Variants in PKHD1 observed in about 807,000 individuals in gnomAD.
PKHD1 encodes fibrocystin.
A neutral mutation model predicts 412.0 loss-of-function variants in PKHD1; 291 were observed. That is an observed-to-expected ratio of 0.71 (90% CI 0.64 to 0.78). The LOEUF (loss-of-function observed/expected upper bound fraction) is 0.78. Among genes scored for constraint, PKHD1 ranks in the 30% least tolerant of loss-of-function variants. PKHD1 has a pLI of 0.00. For missense variants in PKHD1, 4,825 were observed against 4,950.7 expected, an observed-to-expected ratio of 0.97 and a Z score of 0.76; for synonymous variants, 1,777 against 1,821.5, an observed-to-expected ratio of 0.98 and a Z score of 0.62.
chr6:51,704,214 C>G (rs773377710), intron 60 of PKHD1, among the ~76,000 whole-genome samples: 1 of 151,920 alleles, frequency 6.6e-6, no homozygotes, highest in Non-Finnish European at 1.5e-5. Context: ...AAGACAAAAC[C>G]AGAATAACAT....
At chr6:51,918,246 C>A (rs963151445) in intron 37 of PKHD1, among the ~76,000 whole-genome samples, 2 of 151,844 alleles carry the variant, frequency 1.3e-5, no homozygotes, top group South Asian at 4.2e-4. Context: ...ATGCGCAGAA[C>A]GTGCAGGTTT....
chr6:51,998,680 GT>G (rs368154818), intron 35 of PKHD1, among the ~76,000 whole-genome samples: 3 of 151,832 alleles, frequency 2.0e-5, no homozygotes, highest in South Asian at 2.1e-4. Flanking sequence ...ATTTTGTTTG[GT>G]TTTTTTCCCT....
chr6:51,632,599 C>G lies in PKHD1; in HGVS notation c.11631G>C (p.Leu3877=), dbSNP rs1253054555. 2.5e-6 allele frequency: 4 copies of G among 1,613,186 alleles called. No individual in the cohort carries two copies. The South Asian group carries it at 4.4e-5, about 18-fold the overall frequency. ...TGCTTCTTTTAAGCCAACAGCACAC[C>G]AGACAGCTCAGAGCCAGCCATGAGG... The part of the protein sequence containing the change: ...SVASWLALSC[L]VCCWLKRSKS... Residue 3877 remains leucine, a synonymous_variant, in exon 65 of 67, where the codon CTG becomes CTC. Transcript: ENST00000371117.
At chr6:51,799,162 C>CAT (rs1795030210) in intron 52 of PKHD1, among the ~76,000 whole-genome samples, 1 of 151,658 alleles carries the variant, frequency 6.6e-6, no homozygotes, top group Non-Finnish European at 1.5e-5. Context: ...ATTAACACCA[C>CAT]ACACACACAC....
intron 58 of PKHD1, 146 bp from the exon 59 acceptor site, chr6:51,747,035 T>C (rs1218958863): frequency 1.7e-6 from 1 of 598,962 alleles, no homozygotes; most frequent in African/African-American, 1.9e-5. Context: ...TTTACATACA[T>C]CTTGATATAA....
At chr6:51,854,370 G>A (rs1772896451) in intron 49 of PKHD1, among the ~76,000 whole-genome samples, 1 of 152,122 alleles carries the variant, frequency 6.6e-6, no homozygotes, top group African/African-American at 2.4e-5. Flanking sequence ...TGTATAGGGT[G>A]TCTGACAACC....
intron 36 of PKHD1, 51 bp downstream of exon 36, chr6:51,959,819 A>G (rs747949859): frequency 6.6e-7 from 1 of 1,509,640 alleles, no homozygotes; most frequent in South Asian, 1.1e-5. Flanking sequence ...TCCCCCCTAC[A>G]AGTGATATAA....
At chr6:51,883,447 CATA>C (rs1777701910) in intron 45 of PKHD1, among the ~76,000 whole-genome samples, 1 of 152,146 alleles carries the variant, frequency 6.6e-6, no homozygotes, top group African/African-American at 2.4e-5. Flanking sequence ...CATTTCTCCT[CATA>C]ATAACCAATA....
chr6:51,887,179 C>CT lies in PKHD1; in HGVS notation c.7062dup (p.Ala2355SerfsTer24). 1 of 1,613,396 alleles carries CT rather than the reference C, an allele frequency of 6.2e-7. No homozygotes were observed. The highest frequency in any genetic ancestry group is 8.5e-7 in the Non-Finnish European group (1 of 1,179,358). ...TTCTGAGTGAAGGAAAGAAGCGGAG[C>CT]TTGTGATGTTTGGTTGGTCATGAGA... On this transcript the variant is annotated frameshift_variant, in exon 44 of 67. Transcript: ENST00000371117. LOFTEE classifies it high-confidence loss of function.
chr6:51,868,981 T>C (rs1775523115), intron 47 of PKHD1, among the ~76,000 whole-genome samples: 1 of 151,832 alleles, frequency 6.6e-6, no homozygotes, highest in Non-Finnish European at 1.5e-5. Flanking sequence ...CATACTACCA[T>C]ACCATAATAT....
chr6:52,022,920 T>C lies in PKHD1; in HGVS notation c.5261A>G (p.His1754Arg). ...NFGCLGGRLV[H>R]VFGAGFSPGN... ...TGGAGAAAATCCCGCTCCAAACACA[T>C]GCACCAGCCTTCCACCCAGGCAGCC... is the stretch of plus-strand genomic sequence containing the variant. The change falls in exon 33 of 67, where the codon CAT becomes CGT. Residue 1754 changes from histidine to arginine, a missense_variant. Coordinates refer to ENST00000371117, the MANE Select transcript of PKHD1 (RefSeq NM_138694.4). The C allele has an allele frequency of 6.2e-7, 1 of 1,614,120 alleles. No individual in the cohort carries two copies. Among genetic ancestry groups the C allele is most frequent in the Non-Finnish European group, 8.5e-7 (1 of 1,180,020 alleles).
chr6:51,889,987 T>C (rs1405223282), intron 43 of PKHD1, among the ~76,000 whole-genome samples: 2 of 151,890 alleles, frequency 1.3e-5, no homozygotes, highest in Non-Finnish European at 2.9e-5. Flanking sequence ...GTTATATTTA[T>C]GGTGGATTTT....
Position 52,054,125 on chromosome 6 carries a change from T to C in PKHD1, c.1877A>G (p.Lys626Arg), listed in dbSNP as rs117122807. ...GCCGATTGTGAAGGACACAATCATCTTCAGGATCTTGTTCATGTGGCCTTT... is the reference window on the plus strand; with the variant it reads ...GCCGATTGTGAAGGACACAATCATCCTCAGGATCTTGTTCATGTGGCCTTT... ...AYKGHMNKIL[K>R]MIVSFTIGFQ... Residue 626 changes from lysine (K) to arginine (R), a missense_variant, in exon 20 of 67, where the codon AAG becomes AGG. Transcript: ENST00000371117. The C allele has an allele frequency of 1.8e-3, 2,829 of 1,613,880 alleles. 81 individuals are homozygous for C. The East Asian group carries it at 0.056, about 32-fold the overall frequency.
chr6:51,930,299 A>G (rs947065546), intron 37 of PKHD1, among the ~76,000 whole-genome samples: 1 of 152,146 alleles, frequency 6.6e-6, no homozygotes, highest in Non-Finnish European at 1.5e-5. Flanking sequence ...AGAAGTTACT[A>G]AACAATCTGA....
At chr6:52,000,381 A>G (rs1798226147) in intron 35 of PKHD1, among the ~76,000 whole-genome samples, 1 of 152,250 alleles carries the variant, frequency 6.6e-6, no homozygotes, top group Non-Finnish European at 1.5e-5. Flanking sequence ...CAGGATAGCT[A>G]AAGTTTCATA....
At chr6:51,742,935 A>AATAAAATATTCCAGGAAGAGG (rs1784740316) in intron 60 of PKHD1, among the ~76,000 whole-genome samples, 1 of 152,148 alleles carries the variant, frequency 6.6e-6, no homozygotes, top group Non-Finnish European at 1.5e-5. Flanking sequence ...AAGAAGTGAG[A>AATAAAATATTCCAGGAAGAGG]ATAAAATATT....
chr6:51,856,249 C>T (rs1465787435), intron 48 of PKHD1, among the ~76,000 whole-genome samples, 179 bp from the exon 49 acceptor site: 1 of 152,140 alleles, frequency 6.6e-6, no homozygotes. Flanking sequence ...TGAAAACAAC[C>T]CAGTGGGAAG....
chr6:51,836,348 C>A lies in PKHD1; in HGVS notation c.8173+56G>T, dbSNP rs191669977. 6.5e-4 allele frequency: 733 copies of A among 1,136,160 alleles called. 2 individuals carry two copies. In the African/African-American group the frequency reaches 0.01, roughly 16 times the overall value. The allele number at this position is 1,136,160 out of a possible 1,614,324, so 70.4% of individuals were successfully genotyped here. A position where few individuals can be genotyped will look rare whatever the true frequency, so the allele number is the denominator to read the frequency against. ...GTATGACAAGGTGGAATTTGTAGAA[C>A]TACTGGAGGACATTCTGCCATACTA... On this transcript the variant is annotated intron_variant, in intron 51 of 66. Coordinates refer to ENST00000371117, the MANE Select transcript of PKHD1 (RefSeq NM_138694.4).
chr6:51,696,245 C>T (rs1371389296), intron 60 of PKHD1, among the ~76,000 whole-genome samples: 2 of 152,136 alleles, frequency 1.3e-5, no homozygotes, highest in Non-Finnish European at 2.9e-5. Flanking sequence ...GCAGCCAGTT[C>T]TGCTTTAAAG....
Sources: gnomAD v4.1 joint callset for allele counts (sites outside exome capture counted in the v4.1 genomes callset) on GRCh38, gnomAD v4.1.1 for gene constraint, MANE v1.5 for transcripts, NCBI Gene and HGNC (gene_info 2026-07-23, HGNC 2026-07-21) for gene names.